PRIM2: variants seen among roughly 807,000 people sequenced by gnomAD.
PRIM2 encodes the protein DNA primase subunit 2.
Under a neutral mutation model 67.3 loss-of-function variants are expected in PRIM2, and 39 were observed. The ratio of observed to expected loss-of-function variants is 0.58; its 90% CI spans 0.45 to 0.76. The LOEUF is 0.76. PRIM2 is among the 30% of genes least tolerant of loss of function. The pLI is 0.00. For missense variants in PRIM2, 398 were observed against 598.7 expected (o/e 0.66, Z 3.50); for synonymous variants, 143 against 198.7 (o/e 0.72, Z 2.36).
At chr6:57,309,198 G>C in the PRIM2 span, among the ~76,000 whole-genome samples, 1 of 150,270 alleles carries the variant, frequency 6.7e-6, no homozygotes. Context: ...GTGCAGGTTA[G>C]TTACATATGT....
chr6:57,637,141 T>G (rs1777136096), intron 13 of PRIM2, among the ~76,000 whole-genome samples: 1 of 151,934 alleles, frequency 6.6e-6, no homozygotes, highest in African/African-American at 2.4e-5. Context: ...TCCAACAAAC[T>G]CCAGCAGACC....
chr6:57,349,652 G>A (rs111298693), intron 5 of PRIM2, among the ~76,000 whole-genome samples: 2 of 151,982 alleles, frequency 1.3e-5, no homozygotes, highest in African/African-American at 4.8e-5. Flanking sequence ...AGATTCTCAG[G>A]TATGATTCTG....
chr6:57,548,229 C>G (rs1416624386), intron 10 of PRIM2, among the ~76,000 whole-genome samples: 1 of 152,210 alleles, frequency 6.6e-6, no homozygotes, highest in African/African-American at 2.4e-5. Context: ...AGCCTCCTTA[C>G]TTGTGGGGAC....
intron 13 of PRIM2, among the ~76,000 whole-genome samples, chr6:57,642,659 T>G (rs1777264714): frequency 6.6e-6 from 1 of 151,858 alleles, no homozygotes; most frequent in African/African-American, 2.4e-5. Flanking sequence ...GCCAGGATGG[T>G]CTCAATCTCC....
intron 10 of PRIM2, among the ~76,000 whole-genome samples, chr6:57,554,564 C>T (rs1460139892): frequency 6.6e-6 from 1 of 152,172 alleles, no homozygotes; most frequent in Non-Finnish European, 1.5e-5. Flanking sequence ...CCAGCAGTGA[C>T]TAACAACTCT....
intron 7 of PRIM2, chr6:57,382,803 T>G (rs1770008269): frequency 6.6e-6 from 1 of 152,228 alleles, no homozygotes; most frequent in Admixed American, 6.5e-5. Flanking sequence ...ATACTTTTTT[T>G]GTACCTAATG....
At position 57,424,040 on chromosome 6, in the gene PRIM2, T is replaced by G. The variant is rs1402221113; in HGVS notation, c.693+41872T>G. Among the ~76,000 whole-genome samples the G allele has an allele frequency of 2.0e-5, 3 of 152,206 alleles. No individual in the cohort carries two copies. The East Asian group carries it at 5.8e-4, about 29-fold the overall frequency. On this transcript the variant is annotated intron_variant, in intron 7 of 13. Coordinates refer to ENST00000615550, the MANE Select transcript of PRIM2 (RefSeq NM_000947.5). ...TAGAAATTTTTGTCTGTGATGCCAG[T>G]GGTGGGTAGATAGGTAAGGATGGGC...
At chr6:57,310,531 C>A (rs181632198), upstream of PRIM2, among the ~76,000 whole-genome samples, 2 of 152,284 alleles carry the variant, frequency 1.3e-5, no homozygotes, top group African/African-American at 4.8e-5. Context: ...AAACCACCAT[C>A]GTCATCATGG....
intron 5 of PRIM2, among the ~76,000 whole-genome samples, chr6:57,327,132 C>T (rs534585242): frequency 6.6e-6 from 1 of 151,964 alleles, no homozygotes; most frequent in African/African-American, 2.4e-5. Context: ...AACCCCCTGA[C>T]CTCAGGTGAT....
intron 7 of PRIM2, among the ~76,000 whole-genome samples, chr6:57,431,648 A>T (rs1406518874): frequency 6.8e-6 from 1 of 146,124 alleles, no homozygotes; most frequent in Non-Finnish European, 1.5e-5. Flanking sequence ...CCCTGCCTTT[A>T]AAAAAAAAAA....
At chr6:57,577,544 T>G (rs1378696751) in intron 10 of PRIM2, among the ~76,000 whole-genome samples, 4 of 150,878 alleles carry the variant, frequency 2.7e-5, no homozygotes, top group Non-Finnish European at 5.9e-5. Flanking sequence ...TTCTCCTGCC[T>G]CAGCCTCCCG....
chr6:57,384,602 C>T (rs1476991596), intron 7 of PRIM2, among the ~76,000 whole-genome samples: 3 of 152,028 alleles, frequency 2.0e-5, no homozygotes, highest in Non-Finnish European at 2.9e-5. Context: ...TAAGGGATAG[C>T]CTAGCCTAAG....
chr6:57,224,381 G>A, the PRIM2 span, among the ~76,000 whole-genome samples: 1 of 152,186 alleles, frequency 6.6e-6, no homozygotes, highest in Non-Finnish European at 1.5e-5. Context: ...AAGGTACATA[G>A]AGTAGTCAAA....
chr6:57,592,665 C>CT (rs1262331880), intron 10 of PRIM2, among the ~76,000 whole-genome samples: 1 of 151,994 alleles, frequency 6.6e-6, no homozygotes, highest in Non-Finnish European at 1.5e-5. Context: ...GTGGAGGGCA[C>CT]TTGTAATCCC....
Position 57,364,571 on chromosome 6 carries a change from C to T in PRIM2, c.460-15330C>T, listed in dbSNP as rs1258198150. On this transcript the variant is annotated intron_variant, in intron 5 of 13. Transcript: ENST00000615550. ...CTCAGTGACAAGTCAGCTTGCCCTT[C>T]GTTCTTCTGTGGTTAGGAGAGAGAT... Among the ~76,000 whole-genome samples the T allele has an allele frequency of 3.9e-5, 6 of 152,248 alleles. No homozygotes were observed. The South Asian group carries it at 1.0e-3, about 26-fold the overall frequency.
At chr6:57,375,918 A>T (rs1338353139) in intron 5 of PRIM2, among the ~76,000 whole-genome samples, 3 of 152,072 alleles carry the variant, frequency 2.0e-5, no homozygotes, top group African/African-American at 4.8e-5. Flanking sequence ...TAAAAAATTT[A>T]AAAAATGGCC....
the PRIM2 span, chr6:57,221,767 C>T: frequency 6.6e-6 from 1 of 152,278 alleles, no homozygotes; most frequent in African/African-American, 2.4e-5. Flanking sequence ...CGCTGCCGCC[C>T]ACCTTCTCTA....
At position 57,341,168 on chromosome 6, in the gene PRIM2, A is replaced by C. The variant is rs1263820576; in HGVS notation, c.459+15123A>C. On this transcript the variant is annotated intron_variant, in intron 5 of 13. Coordinates refer to ENST00000615550, the MANE Select transcript of PRIM2 (RefSeq NM_000947.5). ...GTGTTATACAGCTTCTAAAGGGAGC[A>C]GTAACTTTGCCTTCTTGTGTGACTA... 3.3e-5 allele frequency among the ~76,000 whole-genome samples: 5 copies of C among 152,280 alleles called. No homozygotes were observed. The South Asian group carries it at 6.2e-4, about 19-fold the overall frequency.
intron 10 of PRIM2, among the ~76,000 whole-genome samples, chr6:57,600,563 C>T (rs1446116852): frequency 3.3e-5 from 5 of 151,960 alleles, no homozygotes; most frequent in Admixed American, 6.6e-5. Context: ...ACTGTGTTGC[C>T]CAGGCTGGTC....
Sources: allele counts gnomAD v4.1 joint callset (sites outside exome capture counted in the v4.1 genomes callset), GRCh38; gene constraint gnomAD v4.1.1; transcripts MANE v1.5; gene names NCBI Gene and HGNC (gene_info 2026-07-23, HGNC 2026-07-21).